The following SLCO3A1 variants were observed in gnomAD, a reference collection of about 807,000 sequenced individuals.
SLCO3A1 encodes solute carrier organic anion transporter family member 3A1.
SLCO3A1 carries 27 observed loss-of-function variants against 63.1 expected under a neutral mutation model. The observed-to-expected ratio is 0.43, with a 90% CI of 0.32 to 0.59. The LOEUF is 0.59. Ranked by LOEUF, SLCO3A1 falls within the 20% of genes least tolerant of loss-of-function variation. The pLI is 0.09. For synonymous variants in SLCO3A1, 473 were observed against 409.9 expected (o/e 1.15, Z -1.86); for missense variants, 773 against 945.8 (o/e 0.82, Z 2.40).
In SLCO3A1 at chr15:91,905,986, A is replaced by G. The variant is rs530404495; in HGVS notation, c.181-10007A>G. ...CACAGTGCTTGGTCACTTGGGTGCT[A>G]TGGGACCAGTGGGGTTGGGCGTCAA... On this transcript the variant is annotated intron_variant, in intron 1 of 9. Transcript: ENST00000318445. 2.1e-4 allele frequency among the ~76,000 whole-genome samples: 32 copies of G among 152,254 alleles called. No individual in the cohort carries two copies. The South Asian group carries it at 6.0e-3, about 29-fold the overall frequency.
chr15:91,887,961 G>A (rs191561419), intron 1 of SLCO3A1, among the ~76,000 whole-genome samples: 2 of 152,316 alleles, frequency 1.3e-5, no homozygotes, highest in East Asian at 1.9e-4. Flanking sequence ...TACATAATTA[G>A]TTTTCTCAGG....
At chr15:91,997,346 G>C (rs369886140) in intron 2 of SLCO3A1, among the ~76,000 whole-genome samples, 1 of 152,182 alleles carries the variant, frequency 6.6e-6, no homozygotes, top group Non-Finnish European at 1.5e-5. Flanking sequence ...ACTGCTGAAT[G>C]ATGTCATAGA....
At chr15:92,074,782 G>T (rs779617146) in intron 2 of SLCO3A1, among the ~76,000 whole-genome samples, 1 of 23,304 alleles carries the variant, frequency 4.3e-5, no homozygotes, top group East Asian at 6.8e-4. Context: ...GCAGGGCGGT[G>T]GGGGGTGGCC....
At chr15:92,026,752 G>A (rs1247454119) in intron 2 of SLCO3A1, among the ~76,000 whole-genome samples, 1 of 152,168 alleles carries the variant, frequency 6.6e-6, no homozygotes, top group African/African-American at 2.4e-5. Flanking sequence ...GAAAACAATG[G>A]ACAATTCATG....
intron 2 of SLCO3A1, among the ~76,000 whole-genome samples, chr15:92,003,339 C>A (rs1279593387): frequency 1.3e-5 from 2 of 152,194 alleles, no homozygotes; most frequent in African/African-American, 4.8e-5. Context: ...TGTCTCACCC[C>A]TAGTGGTTAG....
chr15:91,987,397 C>G (rs539038023), intron 2 of SLCO3A1, among the ~76,000 whole-genome samples: 3 of 152,274 alleles, frequency 2.0e-5, no homozygotes, highest in East Asian at 3.9e-4. Context: ...GTGAACAAGA[C>G]AAAGTTCTTG....
chr15:92,016,290 GAT>G (rs141082885), intron 2 of SLCO3A1, among the ~76,000 whole-genome samples: 5,550 of 99,856 alleles, frequency 0.056, 393 homozygotes, highest in African/African-American at 0.17. Context: ...AGATGTTATA[GAT>G]ATATATATTA....
rs370413709 is a variant in SLCO3A1, at chr15:91,956,993, G to GTATATATATTATATATATAATATATAA, written c.646+40542_646+40543insATTATATATATAATATATAATATATAT. Among the ~76,000 whole-genome samples the GTATATATATTATATATATAATATATAA allele has an allele frequency of 1.5e-3, 12 of 7,972 alleles. 2 individuals carry two copies. Among genetic ancestry groups the GTATATATATTATATATATAATATATAA allele is most frequent in the African/African-American group, 0.011 (8 of 702 alleles). 5.2% of individuals were successfully genotyped at this position (7,972 alleles called of 152,430 possible). A position where few individuals can be genotyped will look rare whatever the true frequency, so the allele number is the denominator to read the frequency against. The stretch of plus-strand genomic sequence containing the variant: ...ATATATATAGTATATATAATATATA[G>GTATATATATTATATATATAATATATAA]TATATATTATATATATAATATATAG... On this transcript the variant is annotated intron_variant, in intron 2 of 9. Coordinates refer to ENST00000318445, the MANE Select transcript of SLCO3A1 (RefSeq NM_013272.4).
intron 2 of SLCO3A1, among the ~76,000 whole-genome samples, chr15:92,010,062 G>A (rs985667672): frequency 6.6e-6 from 1 of 152,176 alleles, no homozygotes; most frequent in African/African-American, 2.4e-5. Flanking sequence ...AATGGGAGAT[G>A]GCGGAGCAGG....
Position 91,859,922 on chromosome 15 carries a change from A to G in SLCO3A1, c.180+5834A>G, listed in dbSNP as rs1163350380. ...GAATTGCATATTCAAGTAGTTTCCT[A>G]TTCTACATGGACATTTTTGTCTGGG... On this transcript the variant is annotated intron_variant, in intron 1 of 9. Transcript: ENST00000318445. This position sits in a 1 kb window ranked among gnomAD's most constrained non-coding sequence, Gnocchi z 5.1. Among the ~76,000 whole-genome samples the G allele has an allele frequency of 6.6e-6, 1 of 152,274 alleles. No homozygotes were observed. The highest frequency in any genetic ancestry group is 2.4e-5 in the African/African-American group (1 of 41,476).
In SLCO3A1 at chr15:92,163,546, T is replaced by TTA. The variant is rs2151605684; in HGVS notation, c.*411_*412insTA. 1.1e-6 allele frequency: 1 copy of TTA among 889,176 alleles called. No individual in the cohort carries two copies. Among genetic ancestry groups the TTA allele is most frequent in the East Asian group, 1.3e-4 (1 of 7,460 alleles). The allele number at this position is 889,176 out of a possible 1,614,324, so 55.1% of individuals were successfully genotyped here. A position where few individuals can be genotyped will look rare whatever the true frequency, so the allele number is the denominator to read the frequency against. On this transcript the variant is annotated 3_prime_UTR_variant, in exon 10 of 10. Coordinates refer to ENST00000318445, the MANE Select transcript of SLCO3A1 (RefSeq NM_013272.4). ...ATTTTTTAAAAGAAGTTTCCTAAAA[T>TTA]AAAAAAAATTAAAAAAAAAAAACCC...
In SLCO3A1 at chr15:91,941,562, G is replaced by A; in HGVS notation, c.646+25104G>A. On this transcript the variant is annotated intron_variant, in intron 2 of 9. Transcript: ENST00000318445. This position sits in a 1 kb window ranked among gnomAD's most constrained non-coding sequence, Gnocchi z 4.4. The stretch of plus-strand genomic sequence containing the variant: ...TTTCTTGGCAATTAGATGAACCAGA[G>A]GTTTATTTCACTCAGTAAGTAATCT... The A allele has an allele frequency of 2.2e-6, 1 of 455,958 alleles. No individual in the cohort carries two copies. The highest frequency in any genetic ancestry group is 4.4e-6 in the Non-Finnish European group (1 of 226,768). The allele number at this position is 455,958 out of a possible 1,614,324, so 28.2% of individuals were successfully genotyped here. A position where few individuals can be genotyped will look rare whatever the true frequency, so the allele number is the denominator to read the frequency against.
rs538667551 is a variant in SLCO3A1 at position 91,880,111 on chromosome 15, G to A, written c.180+26023G>A. ...TGCTTGTATGTGTGTCCGTCCGTCC[G>A]TCCGTCCGTCCGTCCGTCCGTCCAT... On this transcript the variant is annotated intron_variant, in intron 1 of 9. Coordinates refer to ENST00000318445, the MANE Select transcript of SLCO3A1 (RefSeq NM_013272.4). 2.1e-3 allele frequency among the ~76,000 whole-genome samples: 247 copies of A among 119,620 alleles called. 1 individual carries two copies. The highest frequency in any genetic ancestry group is 4.9e-3 in the South Asian group (18 of 3,672). The allele number at this position is 119,620 out of a possible 152,430, so 78.5% of individuals were successfully genotyped here.
intron 3 of SLCO3A1, chr15:92,098,195 A>G (rs535188737): frequency 3.3e-5 from 5 of 152,632 alleles, no homozygotes; most frequent in African/African-American, 9.6e-5. Context: ...TGAGAGGAGA[A>G]TCCAGTGAGG....
At chr15:92,083,189 G>GT (rs1567110116) in intron 2 of SLCO3A1, among the ~76,000 whole-genome samples, 1 of 152,160 alleles carries the variant, frequency 6.6e-6, no homozygotes, top group Admixed American at 6.5e-5. Flanking sequence ...AGGAGAGACC[G>GT]TTTTCTTGTT....
At chr15:92,118,425 C>T (rs749244725) in intron 4 of SLCO3A1, among the ~76,000 whole-genome samples, 1 of 152,144 alleles carries the variant, frequency 6.6e-6, no homozygotes, top group Non-Finnish European at 1.5e-5. Flanking sequence ...TGCTGATCTT[C>T]TGTGTAGATT....
chr15:91,856,480 C>G lies in SLCO3A1; in HGVS notation c.180+2392C>G, dbSNP rs1896923662. Among the ~76,000 whole-genome samples the G allele has an allele frequency of 6.6e-6, 1 of 152,172 alleles. No individual in the cohort carries two copies. Among genetic ancestry groups the G allele is most frequent in the Admixed American group, 6.5e-5 (1 of 15,284 alleles). On this transcript the variant is annotated intron_variant, in intron 1 of 9. Coordinates refer to ENST00000318445, the MANE Select transcript of SLCO3A1 (RefSeq NM_013272.4). This position sits in a 1 kb window ranked among gnomAD's most constrained non-coding sequence, Gnocchi z 4.9. ...GGCCACTTCAGAGTTTTCTCTTCAT[C>G]TGTTATTTGGGAGATGGGGAAAAAA...
chr15:92,097,001 A>C (rs2047546880), intron 3 of SLCO3A1, among the ~76,000 whole-genome samples: 1 of 152,118 alleles, frequency 6.6e-6, no homozygotes, highest in Admixed American at 6.5e-5. Flanking sequence ...AGCTTCCACC[A>C]CTGCACCCAA....
intron 9 of SLCO3A1, among the ~76,000 whole-genome samples, chr15:92,151,954 A>G (rs2151594137): frequency 6.6e-6 from 1 of 152,380 alleles, no homozygotes; most frequent in Non-Finnish European, 1.5e-5. Flanking sequence ...AATTAGTTAA[A>G]TCAGTTATGG....
Sources: allele counts gnomAD v4.1 joint callset (sites outside exome capture counted in the v4.1 genomes callset), GRCh38; gene constraint gnomAD v4.1.1; non-coding constraint Gnocchi (gnomAD v3.1); transcripts MANE v1.5; gene names NCBI Gene and HGNC (gene_info 2026-07-23, HGNC 2026-07-21).